TMTC4: variants seen among roughly 807,000 people sequenced by gnomAD.
TMTC4 encodes transmembrane O-mannosyltransferase targeting cadherins 4.
Under a neutral mutation model 86.0 loss-of-function variants are expected in TMTC4, and 65 were observed. The observed-to-expected ratio is 0.76, with a 90% CI of 0.62 to 0.93. TMTC4 has a LOEUF of 0.93. TMTC4 is among the 40% of genes least tolerant of loss of function. TMTC4 has a pLI of 0.00. For synonymous variants in TMTC4, 379 were observed against 382.5 expected (o/e 0.99, Z 0.11); for missense variants, 866 against 948.1 (o/e 0.91, Z 1.14).
intron 1 of TMTC4, chr13:100,674,145 C>G: frequency 1.0e-6 from 1 of 981,750 alleles, no homozygotes; most frequent in Non-Finnish European, 1.2e-6. Context: ...GAGCCCACGC[C>G]GGGAAGCGGC....
In TMTC4 at chr13:100,605,485, G is replaced by A. The variant is rs564520309; in HGVS notation, c.2135-343C>T. Among the ~76,000 whole-genome samples the A allele has an allele frequency of 3.7e-4, 56 of 152,298 alleles. No homozygotes were observed. The Middle Eastern group carries it at 0.01, about 28-fold the overall frequency. ...GCAAGGCTGGGTATGGGAGGTGGGG[G>A]TGATGGATGCTAGGCACTGCCCAGA... On this transcript the variant is annotated intron_variant, in intron 18 of 18. Transcript: ENST00000342624. This position sits in a 1 kb window ranked among gnomAD's most constrained non-coding sequence, Gnocchi z 4.3.
intron 15 of TMTC4, among the ~76,000 whole-genome samples, chr13:100,618,810 G>A (rs1181325160): frequency 6.6e-6 from 1 of 152,184 alleles, no homozygotes; most frequent in Non-Finnish European, 1.5e-5. Context: ...TTGGGGGTAA[G>A]GTCACCGATT....
chr13:100,668,825 C>T (rs1886719495), intron 2 of TMTC4, 31 bp from the exon 3 acceptor site: 1 of 1,608,320 alleles, frequency 6.2e-7, no homozygotes. Flanking sequence ...TATAAATATT[C>T]ATCAACACTG....
intron 5 of TMTC4, among the ~76,000 whole-genome samples, chr13:100,661,641 A>C (rs1885789009): frequency 6.6e-6 from 1 of 152,224 alleles, no homozygotes; most frequent in African/African-American, 2.4e-5. Context: ...TCCCCAGCCT[A>C]TTCAGCCCTT....
intron 2 of TMTC4, among the ~76,000 whole-genome samples, chr13:100,669,767 C>T (rs1309622413): frequency 6.6e-6 from 1 of 152,104 alleles, no homozygotes; most frequent in African/African-American, 2.4e-5. Flanking sequence ...CCCCCAAACT[C>T]GCACTTTTTT....
In TMTC4 at chr13:100,642,284, G is replaced by T. The variant is rs1297009276; in HGVS notation, c.668C>A (p.Thr223Asn). The change falls in exon 7 of 19, where the codon ACC becomes AAC. Residue 223 changes from threonine to asparagine, a missense_variant. Transcript: ENST00000342624. ...ESNKEGAHSS[T>N]FWVLLSIFLG... ...AAAGATACTCAGCAGCACCCAGAAG[G>T]TGGAAGAATGCGCTCCCTCCTTGTT... is the stretch of plus-strand genomic sequence containing the variant. 1.9e-6 allele frequency: 3 copies of T among 1,614,112 alleles called. No homozygotes were observed. The highest frequency in any genetic ancestry group is 3.3e-5 in the Admixed American group (2 of 60,002).
chr13:100,625,666 CAA>C lies in TMTC4; in HGVS notation c.1703_1704del (p.Phe568CysfsTer13). ...ATGCCTAGATTCATCCACGCAGCGGCAAAGTCTGGCCTAGAGGAGCAGTTTTA... is the reference window on the plus strand; with the variant it reads ...ATGCCTAGATTCATCCACGCAGCGGCAGTCTGGCCTAGAGGAGCAGTTTTA... ...LSLAVQIQPD[F>X]AAAWMNLGIV... is the part of the protein sequence containing the mutation. On this transcript the variant is annotated frameshift_variant, in exon 15 of 19. Coordinates refer to ENST00000342624, the MANE Select transcript of TMTC4 (RefSeq NM_032813.5). LOFTEE classifies it high-confidence loss of function. 1 of 1,614,096 alleles carries C rather than the reference CAA, an allele frequency of 6.2e-7. No individual in the cohort carries two copies. Among genetic ancestry groups the C allele is most frequent in the East Asian group, 2.2e-5 (1 of 44,882 alleles).
chr13:100,661,872 CT>C (rs1885820473), intron 5 of TMTC4, among the ~76,000 whole-genome samples: 1 of 152,190 alleles, frequency 6.6e-6, no homozygotes, highest in African/African-American at 2.4e-5. Context: ...GAGAAGTCTA[CT>C]GTGAGGGAAG....
chr13:100,674,200 G>GCCGCTCCGCT, intron 1 of TMTC4: 1 of 982,080 alleles, frequency 1.0e-6, no homozygotes, highest in Non-Finnish European at 1.2e-6. Context: ...CCGCGCTCGC[G>GCCGCTCCGCT]CCGCTCCGCT....
rs1435378879 is a variant in TMTC4, at chr13:100,604,913, A to G, written c.*81T>C. On this transcript the variant is annotated 3_prime_UTR_variant, in exon 19 of 19. Transcript: ENST00000342624. ...AAAATAACATGTCTAAGACTTTTAA[A>G]TGGTTAAATGTAACCACATACTATT... 1.5e-5 allele frequency: 21 copies of G among 1,445,914 alleles called. No homozygotes were observed. Among genetic ancestry groups the G allele is most frequent in the Non-Finnish European group, 1.7e-5 (18 of 1,089,892 alleles). The allele number at this position is 1,445,914 out of a possible 1,614,324, so 89.6% of individuals were successfully genotyped here.
intron 15 of TMTC4, among the ~76,000 whole-genome samples, chr13:100,615,840 G>T (rs573075404): frequency 5.9e-5 from 9 of 152,324 alleles, no homozygotes; most frequent in Admixed American, 2.0e-4. Context: ...TGATAGAAAT[G>T]ATCCTGTCAT....
At chr13:100,670,619 A>C in intron 1 of TMTC4, 50 bp from the exon 2 acceptor site, 1 of 437,522 alleles carries the variant, frequency 2.3e-6, no homozygotes, top group Non-Finnish European at 4.0e-6. Context: ...CTATGCTTAC[A>C]TTTCAGCTAA....
chr13:100,622,435 A>G (rs897355991), intron 15 of TMTC4, among the ~76,000 whole-genome samples: 8 of 152,220 alleles, frequency 5.3e-5, no homozygotes, highest in African/African-American at 1.9e-4. Context: ...TGTAGCTCCC[A>G]TCATTCCCAT....
At chr13:100,632,134 G>A (rs1416041775) in intron 12 of TMTC4, among the ~76,000 whole-genome samples, 4 of 146,042 alleles carry the variant, frequency 2.7e-5, no homozygotes, top group Admixed American at 7.0e-5. Context: ...ACAAGCACAC[G>A]CCCTGTGTTT....
chr13:100,667,720 T>C (rs1215775596), intron 3 of TMTC4, among the ~76,000 whole-genome samples: 1 of 152,142 alleles, frequency 6.6e-6, no homozygotes, highest in Non-Finnish European at 1.5e-5. Flanking sequence ...ATGTGTATAT[T>C]CCTCTAAGTC....
chr13:100,625,452 G>A (rs770191860), intron 15 of TMTC4, 83 bp downstream of exon 15: 8 of 1,540,452 alleles, frequency 5.2e-6, no homozygotes, highest in Non-Finnish European at 7.1e-6. Context: ...TATGGGCTAG[G>A]TGGGTGTCAC....
chr13:100,670,460 G>A lies in TMTC4; in HGVS notation c.-98C>T, dbSNP rs547733561. The stretch of plus-strand genomic sequence containing the variant: ...GCAACTCTTCCACTGCTTGTCTCTC[G>A]AGCCTCACAGCCTGGCATACGGCAT... On this transcript the variant is annotated 5_prime_UTR_variant, in exon 2 of 19. The change creates a premature stop within an existing upstream ORF in the 5' untranslated region. Transcript: ENST00000342624. 5.2e-6 allele frequency: 7 copies of A among 1,339,344 alleles called. No individual in the cohort carries two copies. The African/African-American group carries it at 7.4e-5, about 14-fold the overall frequency. The allele number at this position is 1,339,344 out of a possible 1,614,324, so 83.0% of individuals were successfully genotyped here.
intron 15 of TMTC4, among the ~76,000 whole-genome samples, chr13:100,617,632 A>T (rs1431013812): frequency 6.6e-6 from 1 of 152,150 alleles, no homozygotes; most frequent in African/African-American, 2.4e-5. Context: ...TTGTTTGAAG[A>T]CCACATGGCT....
chr13:100,627,855 G>T (rs1200266867), intron 12 of TMTC4, among the ~76,000 whole-genome samples: 1 of 152,092 alleles, frequency 6.6e-6, no homozygotes, highest in African/African-American at 2.4e-5. Context: ...AGAGATGTGA[G>T]TGGGGGAGAA....
Sources: allele counts gnomAD v4.1 joint callset (sites outside exome capture counted in the v4.1 genomes callset), GRCh38; gene constraint gnomAD v4.1.1; non-coding constraint Gnocchi (gnomAD v3.1); transcripts MANE v1.5; gene names NCBI Gene and HGNC (gene_info 2026-07-23, HGNC 2026-07-21).